Variants in CD163L1 observed in about 807,000 individuals in gnomAD.
CD163L1 encodes scavenger receptor cysteine-rich type 1 protein M160.
Under a neutral mutation model 165.4 loss-of-function variants are expected in CD163L1, and 124 were observed. The observed-to-expected ratio is 0.75, with a 90% CI of 0.65 to 0.87. The LOEUF (loss-of-function observed/expected upper bound fraction) is 0.87. Ranked by LOEUF, CD163L1 falls within the 40% of genes least tolerant of loss-of-function variation. The pLI is 0.00. For missense variants in CD163L1, 1,525 were observed against 1,799.9 expected, an observed-to-expected ratio of 0.85 and a Z score of 2.76; for synonymous variants, 585 against 662.2, an observed-to-expected ratio of 0.88 and a Z score of 1.79.
chr12:7,320,336 T>C, the CD163L1 span, among the ~76,000 whole-genome samples: 1 of 152,222 alleles, frequency 6.6e-6, no homozygotes, highest in Admixed American at 6.5e-5. Flanking sequence ...TCCCAGTAGG[T>C]TAGCTTATAC....
chr12:7,380,612 AC>A (rs1158067272), intron 8 of CD163L1, among the ~76,000 whole-genome samples: 2 of 152,058 alleles, frequency 1.3e-5, no homozygotes, highest in Non-Finnish European at 2.9e-5. Flanking sequence ...AATACAATGG[AC>A]TTTGAGGACT....
intron 4 of CD163L1, among the ~76,000 whole-genome samples, chr12:7,423,883 C>T (rs140342477): frequency 1.4e-3 from 208 of 152,178 alleles, no homozygotes; most frequent in African/African-American, 4.9e-3. Context: ...GATTCACAGC[C>T]GAACTCTGCC....
chr12:7,332,745 TCA>T, the CD163L1 span, among the ~76,000 whole-genome samples: 3 of 152,156 alleles, frequency 2.0e-5, no homozygotes, highest in African/African-American at 7.2e-5. Context: ...AGAGATTTTG[TCA>T]CCACCAGACC....
chr12:7,440,071 T>G, intron 2 of CD163L1: 2 of 1,071,228 alleles, frequency 1.9e-6, no homozygotes, highest in Non-Finnish European at 2.8e-6. Context: ...TCCGCCCTAC[T>G]CCACATCAGC....
rs1025312775 is a variant in CD163L1, at chr12:7,372,975, G to C, written c.3730+345C>G. 5.3e-5 allele frequency among the ~76,000 whole-genome samples: 8 copies of C among 152,164 alleles called. No homozygotes were observed. Among genetic ancestry groups the C allele is most frequent in the African/African-American group, 1.9e-4 (8 of 41,540 alleles). ...ATAATTAATTCACATTTCCTCAAAA[G>C]TTCTGAGCTTTCTAGAATTTCTAAG... On this transcript the variant is annotated intron_variant, in intron 14 of 19. Transcript: ENST00000313599. The surrounding 1 kb of genome is among the most constrained non-coding windows in gnomAD (Gnocchi z 4.2).
the CD163L1 span, among the ~76,000 whole-genome samples, chr12:7,338,061 AG>A: frequency 6.6e-6 from 1 of 152,198 alleles, no homozygotes; most frequent in African/African-American, 2.4e-5. Context: ...GAACTAACAC[AG>A]GAACAGAAAA....
chr12:7,422,150 G>A (rs1219660039), intron 4 of CD163L1, among the ~76,000 whole-genome samples: 2 of 152,038 alleles, frequency 1.3e-5, no homozygotes, highest in African/African-American at 4.8e-5. Flanking sequence ...AGGCAAATAG[G>A]GTCTGGAGTG....
At chr12:7,422,070 G>A (rs1268684575) in intron 4 of CD163L1, among the ~76,000 whole-genome samples, 3 of 152,044 alleles carry the variant, frequency 2.0e-5, no homozygotes, top group Non-Finnish European at 4.4e-5. Context: ...GGTGCCCTCT[G>A]GGACAAAGCT....
intron 14 of CD163L1, among the ~76,000 whole-genome samples, chr12:7,370,901 G>T (rs975937958): frequency 1.1e-4 from 16 of 152,188 alleles, no homozygotes; most frequent in Non-Finnish European, 2.4e-4. Flanking sequence ...GCTATGGTTT[G>T]GCTGTATCCC....
At chr12:7,370,768 T>C (rs1947129010) in intron 14 of CD163L1, among the ~76,000 whole-genome samples, 1 of 152,318 alleles carries the variant, frequency 6.6e-6, no homozygotes, top group Admixed American at 6.5e-5. Flanking sequence ...GTCATTTTTG[T>C]AAATCTCCTG....
At position 7,374,394 on chromosome 12, in the gene CD163L1, G is replaced by C; in HGVS notation, c.3409+48C>G. On this transcript the variant is annotated intron_variant, in intron 13 of 19. Coordinates refer to ENST00000313599, the MANE Select transcript of CD163L1 (RefSeq NM_174941.6). This position sits in a 1 kb window ranked among gnomAD's most constrained non-coding sequence, Gnocchi z 5.4. ...TTACAATTGTGTTGTGTGTGTGCAA[G>C]TGTGTGCACGTGTGTGTAGAGGAGG... 6.5e-7 allele frequency: 1 copy of C among 1,530,268 alleles called. No homozygotes were observed. The highest frequency in any genetic ancestry group is 8.9e-7 in the Non-Finnish European group (1 of 1,129,536). 94.8% of individuals were successfully genotyped at this position (1,530,268 alleles called of 1,614,324 possible). A position where few individuals can be genotyped will look rare whatever the true frequency, so the allele number is the denominator to read the frequency against.
At chr12:7,359,382 G>A (rs1463076370) in intron 18 of CD163L1, among the ~76,000 whole-genome samples, 3 of 152,040 alleles carry the variant, frequency 2.0e-5, no homozygotes, top group Non-Finnish European at 4.4e-5. Context: ...GAAAAAAATT[G>A]TCTATAGAGG....
chr12:7,440,360 C>T (rs909738508), intron 2 of CD163L1, among the ~76,000 whole-genome samples: 1 of 151,418 alleles, frequency 6.6e-6, no homozygotes, highest in African/African-American at 2.4e-5. Context: ...GCCATCCCCC[C>T]ACCGCCGCAC....
At chr12:7,353,078 A>G (rs964859296), downstream of CD163L1, among the ~76,000 whole-genome samples, 2 of 152,082 alleles carry the variant, frequency 1.3e-5, no homozygotes, top group African/African-American at 4.8e-5. Flanking sequence ...AAAGAATTAA[A>G]GAAAAATCTA....
At chr12:7,421,019 A>G (rs1272287333) in intron 4 of CD163L1, among the ~76,000 whole-genome samples, 6 of 78,856 alleles carry the variant, frequency 7.6e-5, no homozygotes, top group African/African-American at 3.6e-4. Context: ...ACGTGTATAT[A>G]TATACATATA....
At chr12:7,402,047 G>T (rs1947924754) in intron 6 of CD163L1, among the ~76,000 whole-genome samples, 1 of 151,826 alleles carries the variant, frequency 6.6e-6, no homozygotes, top group Non-Finnish European at 1.5e-5. Context: ...ATTCCACTCT[G>T]CAATTTCTGG....
chr12:7,410,497 G>T (rs1373668841), intron 4 of CD163L1, among the ~76,000 whole-genome samples: 1 of 151,906 alleles, frequency 6.6e-6, no homozygotes, highest in Non-Finnish European at 1.5e-5. Context: ...CCAGCTACTC[G>T]GGAGGCTGAG....
intron 18 of CD163L1, among the ~76,000 whole-genome samples, chr12:7,364,862 A>G (rs1350071298): frequency 2.6e-5 from 4 of 152,180 alleles, no homozygotes; most frequent in Non-Finnish European, 5.9e-5. Context: ...AAAGCAATTT[A>G]CGGATTCAAC....
At chr12:7,402,381 G>A (rs983253007) in intron 6 of CD163L1, among the ~76,000 whole-genome samples, 1 of 152,008 alleles carries the variant, frequency 6.6e-6, no homozygotes, top group African/African-American at 2.4e-5. Flanking sequence ...GTGTGTGTGT[G>A]TGTGTTTCAT....
Sources: gnomAD v4.1 joint callset for allele counts (sites outside exome capture counted in the v4.1 genomes callset) on GRCh38, gnomAD v4.1.1 for gene constraint, Gnocchi (gnomAD v3.1) non-coding constraint, MANE v1.5 for transcripts, NCBI Gene and HGNC (gene_info 2026-07-23, HGNC 2026-07-21) for gene names.